Variants in MCF2L observed in about 807,000 individuals in gnomAD.
MCF2L encodes guanine nucleotide exchange factor DBS.
In MCF2L, 97 loss-of-function variants were observed where a neutral mutation model predicts 153.4. The observed-to-expected ratio is 0.63, with a 90% CI of 0.54 to 0.75. The LOEUF is 0.75. Ranked by LOEUF, MCF2L falls within the 30% of genes least tolerant of loss-of-function variation. The probability of loss-of-function intolerance (pLI) is 0.00; values close to 1 mark genes in which losing one functional copy is unlikely to be tolerated. For missense variants in MCF2L, 1,347 were observed against 1,495.2 expected (o/e 0.90, Z 1.64); for synonymous variants, 659 against 632.2 (o/e 1.04, Z -0.64).
chr13:112,897,814 G>A (rs975116862), intron 1 of MCF2L, among the ~76,000 whole-genome samples: 2 of 152,208 alleles, frequency 1.3e-5, no homozygotes, highest in African/African-American at 2.4e-5. Context: ...CAGAGACATG[G>A]CAGGTGGAGC....
intron 1 of MCF2L, among the ~76,000 whole-genome samples, chr13:112,995,754 G>A (rs111341602): frequency 1.3e-5 from 2 of 152,284 alleles, no homozygotes; most frequent in Admixed American, 6.5e-5. Flanking sequence ...AGCAGTGGGA[G>A]AGTGTGCCCT....
intron 2 of MCF2L, among the ~76,000 whole-genome samples, chr13:112,915,107 G>C (rs1049853561): frequency 6.6e-6 from 1 of 151,806 alleles, no homozygotes; most frequent in African/African-American, 2.4e-5. Context: ...TCCTAACATC[G>C]TTCATCAAAA....
chr13:112,944,829 C>A (rs2081620300), intron 2 of MCF2L, among the ~76,000 whole-genome samples: 1 of 152,124 alleles, frequency 6.6e-6, no homozygotes, highest in Non-Finnish European at 1.5e-5. Context: ...GGAAGGCCCT[C>A]CACCCTACTT....
intron 2 of MCF2L, among the ~76,000 whole-genome samples, chr13:112,937,319 T>G (rs1473994585): frequency 6.6e-6 from 1 of 152,216 alleles, no homozygotes; most frequent in East Asian, 1.9e-4. Flanking sequence ...CCTCCCAAAG[T>G]GCTGGGATGA....
intron 8 of MCF2L, among the ~76,000 whole-genome samples, chr13:113,066,654 A>G (rs2032409317): frequency 6.6e-6 from 1 of 152,120 alleles, no homozygotes; most frequent in Admixed American, 6.5e-5. Flanking sequence ...TGTGGTTGGC[A>G]TGGTGCTCTA....
At chr13:112,936,550 G>A (rs982448310) in intron 2 of MCF2L, among the ~76,000 whole-genome samples, 1 of 152,104 alleles carries the variant, frequency 6.6e-6, no homozygotes, top group African/African-American at 2.4e-5. Flanking sequence ...GGTGACAAGG[G>A]GTGTGATTTA....
chr13:113,081,537 G>C (rs1242033186), intron 16 of MCF2L, among the ~76,000 whole-genome samples: 1 of 152,266 alleles, frequency 6.6e-6, no homozygotes, highest in Admixed American at 6.5e-5. Context: ...CACAACAGAT[G>C]CACAAACCAC....
intron 2 of MCF2L, among the ~76,000 whole-genome samples, chr13:113,021,261 C>T (rs2084868280): frequency 8.6e-6 from 1 of 116,084 alleles, no homozygotes; most frequent in Non-Finnish European, 1.9e-5. Flanking sequence ...TGTATATGTA[C>T]ATGTATGTGT....
intron 3 of MCF2L, among the ~76,000 whole-genome samples, chr13:113,026,559 C>T (rs545357570): frequency 6.6e-5 from 10 of 152,318 alleles, no homozygotes; most frequent in African/African-American, 2.4e-4. Flanking sequence ...ACCATCACTG[C>T]GCATGCCTGT....
chr13:113,019,957 T>C (rs1330893534), intron 2 of MCF2L, among the ~76,000 whole-genome samples: 1 of 152,208 alleles, frequency 6.6e-6, no homozygotes, highest in Non-Finnish European at 1.5e-5. Flanking sequence ...TCCCGGCCTA[T>C]GGTGGTTTGT....
intron 1 of MCF2L, among the ~76,000 whole-genome samples, chr13:112,981,170 G>A (rs181734114): frequency 5.3e-5 from 8 of 152,006 alleles, no homozygotes; most frequent in East Asian, 1.9e-4. Flanking sequence ...CCCTTCCTGC[G>A]CACTGGGGAC....
chr13:113,050,214 G>A (rs141784477), intron 4 of MCF2L, among the ~76,000 whole-genome samples: 1 of 151,630 alleles, frequency 6.6e-6, no homozygotes, highest in East Asian at 1.9e-4. Flanking sequence ...GTAAGTGAAT[G>A]TGAGACTGTG....
chr13:112,914,834 G>C (rs1216772345), intron 2 of MCF2L, among the ~76,000 whole-genome samples: 1 of 151,538 alleles, frequency 6.6e-6, no homozygotes, highest in African/African-American at 2.4e-5. Flanking sequence ...GATGTGAGTT[G>C]AAAGTATTTT....
chr13:113,019,843 C>A (rs2084765810), intron 2 of MCF2L, among the ~76,000 whole-genome samples: 1 of 152,156 alleles, frequency 6.6e-6, no homozygotes, highest in African/African-American at 2.4e-5. Flanking sequence ...CTCAAGGAGA[C>A]CTCTGAATGG....
intron 11 of MCF2L, 56 bp from the exon 12 acceptor site, chr13:113,075,910 G>A: frequency 7.1e-6 from 10 of 1,412,566 alleles, no homozygotes; most frequent in Non-Finnish European, 8.7e-6. Context: ...CCTGGACAGG[G>A]TGACGCTCTC....
At chr13:113,014,551 A>G (rs1025934097) in intron 1 of MCF2L, among the ~76,000 whole-genome samples, 23 of 152,270 alleles carry the variant, frequency 1.5e-4, no homozygotes, top group African/African-American at 5.3e-4. Context: ...TCACACTTTC[A>G]AAATTGATGG....
intron 1 of MCF2L, chr13:113,010,223 A>G (rs2282307): frequency 0.43 from 64,814 of 151,114 alleles, 14,554 homozygotes; most frequent in East Asian, 0.66. Flanking sequence ...TGCCTGGGAT[A>G]CTGCTCAGAC....
chr13:113,009,089 C>G (rs1191191638), intron 1 of MCF2L: 1 of 152,312 alleles, frequency 6.6e-6, no homozygotes, highest in East Asian at 1.9e-4. Context: ...CGCAAACTGT[C>G]TCACTCCAAA....
intron 2 of MCF2L, among the ~76,000 whole-genome samples, chr13:112,926,548 G>C (rs1201056568): frequency 1.4e-5 from 2 of 139,472 alleles, no homozygotes; most frequent in Non-Finnish European, 3.2e-5. Flanking sequence ...TGCACAGGGG[G>C]GTGCTGTGCC....
Sources: gnomAD v4.1 joint callset for allele counts (sites outside exome capture counted in the v4.1 genomes callset) on GRCh38, gnomAD v4.1.1 for gene constraint, MANE v1.5 for transcripts, NCBI Gene and HGNC (gene_info 2026-07-23, HGNC 2026-07-21) for gene names.